The following IFT46 variants were observed in gnomAD, a reference collection of about 807,000 sequenced individuals.
IFT46 encodes intraflagellar transport protein 46 homolog.
A neutral mutation model predicts 39.6 loss-of-function variants in IFT46; 19 were observed. The observed-to-expected ratio is 0.48, with a 90% CI of 0.33 to 0.70. IFT46 has a LOEUF of 0.70. IFT46 is among the 30% of genes least tolerant of loss of function. The pLI is 0.01. For synonymous variants in IFT46, 117 were observed against 134.8 expected (o/e 0.87, Z 0.91); for missense variants, 334 against 364.8 (o/e 0.92, Z 0.69).
chr11:118,554,376 T>TA, intron 7 of IFT46, 83 bp downstream of exon 7: 1 of 1,377,200 alleles, frequency 7.3e-7, no homozygotes, highest in South Asian at 1.5e-5. Flanking sequence ...TGACAGGCAG[T>TA]AAGTCAACTG....
chr11:118,560,793 G>T (rs1938029028), intron 2 of IFT46: 1 of 726,550 alleles, frequency 1.4e-6, no homozygotes, highest in Non-Finnish European at 2.5e-6. Flanking sequence ...CCTCAGAAAT[G>T]CTTGGTGATA....
At chr11:118,568,006 A>C (rs1938265568), upstream of IFT46, among the ~76,000 whole-genome samples, 2 of 152,170 alleles carry the variant, frequency 1.3e-5, no homozygotes, top group African/African-American at 4.8e-5. Flanking sequence ...AACCATTATA[A>C]GATACTGCCA....
upstream of IFT46, among the ~76,000 whole-genome samples, chr11:118,568,538 T>A (rs534806800): frequency 1.1e-3 from 163 of 151,842 alleles, no homozygotes; most frequent in African/African-American, 3.8e-3. Context: ...GGCGACAGAG[T>A]GAGACTGTCT....
Position 118,546,142 on chromosome 11 carries a change from G to A in IFT46, c.673-289C>T, listed in dbSNP as rs75141008. The A allele has an allele frequency of 2.5e-3, 1,796 of 718,460 alleles. 21 individuals are homozygous for A. Among genetic ancestry groups the A allele is most frequent in the African/African-American group, 0.025 (1,406 of 57,352 alleles). 44.5% of individuals were successfully genotyped at this position (718,460 alleles called of 1,614,324 possible). ...AGGAAGAAGAAATCAGGACAAAGAC[G>A]CATAACAGAGGGAAGACCATGGGAA... On this transcript the variant is annotated intron_variant, in intron 9 of 11. Transcript: ENST00000264021.
exon 1 of IFT46, chr11:118,572,651 G>A: frequency 1.4e-6 from 2 of 1,468,622 alleles, no homozygotes; most frequent in East Asian, 2.5e-5. Flanking sequence ...CGCCCTGAGG[G>A]TCTAGGGCAG....
chr11:118,569,783 T>TA (rs1325961231), upstream of IFT46, among the ~76,000 whole-genome samples: 1 of 152,192 alleles, frequency 6.6e-6, no homozygotes, highest in Non-Finnish European at 1.5e-5. Context: ...TGTGTGAAGT[T>TA]AGAGTAATGG....
At chr11:118,562,785 G>A (rs1938102403) in intron 2 of IFT46, among the ~76,000 whole-genome samples, 1 of 152,210 alleles carries the variant, frequency 6.6e-6, no homozygotes, top group Non-Finnish European at 1.5e-5. Context: ...CGTGGCATAG[G>A]CTTGGTGCGG....
At chr11:118,545,531 C>T (rs1951658760) in intron 10 of IFT46, 37 bp from the exon 11 acceptor site, 1 of 1,544,738 alleles carries the variant, frequency 6.5e-7, no homozygotes. Context: ...CAGAAGCAAA[C>T]AAACTCCGGG....
chr11:118,567,936 A>C (rs1938264603), upstream of IFT46, among the ~76,000 whole-genome samples: 1 of 152,220 alleles, frequency 6.6e-6, no homozygotes, highest in Admixed American at 6.5e-5. Flanking sequence ...AGTCACTCAT[A>C]ATAAGCGCTG....
upstream of IFT46, among the ~76,000 whole-genome samples, chr11:118,569,648 T>C (rs1237393122): frequency 6.6e-6 from 1 of 152,164 alleles, no homozygotes; most frequent in East Asian, 1.9e-4. Flanking sequence ...GCTTACCTAC[T>C]TTTTAGCCAT....
chr11:118,556,735 G>A (rs1937848992), intron 4 of IFT46, among the ~76,000 whole-genome samples, 171 bp downstream of exon 4: 1 of 152,156 alleles, frequency 6.6e-6, no homozygotes, highest in African/African-American at 2.4e-5. Flanking sequence ...AGTGGAGTCA[G>A]AAAGGGAGGA....
At chr11:118,572,684 G>A (rs894695751) in exon 1 of IFT46, 4 of 1,136,550 alleles carry the variant, frequency 3.5e-6, no homozygotes, top group Non-Finnish European at 5.0e-6. Context: ...CCGGGCTCGG[G>A]GAGCAGTGTG....
At chr11:118,558,113 C>G (rs1314239487) in intron 3 of IFT46, among the ~76,000 whole-genome samples, 3 of 142,250 alleles carry the variant, frequency 2.1e-5, no homozygotes, top group African/African-American at 5.2e-5. Context: ...ATTTATTATA[C>G]ATAAAGTATA....
Position 118,556,951 on chromosome 11 carries a change from G to A in IFT46, c.140C>T (p.Ser47Phe). 1 of 1,609,374 alleles carries A rather than the reference G, an allele frequency of 6.2e-7. No homozygotes were observed. The highest frequency in any genetic ancestry group is 8.5e-7 in the Non-Finnish European group (1 of 1,177,466). ...DDDDDSSETDSDSDDDDEEHG... is the reference protein window; with the variant it reads ...DDDDDSSETDFDSDDDDEEHG... ...CTCTTCATCATCATCATCAGAATCA[G>A]AATCAGTTTCAGATGAATCATCATC... Residue 47 changes from serine (S) to phenylalanine (F), a missense_variant, in exon 4 of 12, where the codon TCT (serine) becomes TTT (phenylalanine). Physicochemically the swap from Ser to Phe is radical, Grantham distance 155. Transcript: ENST00000264021.
upstream of IFT46, among the ~76,000 whole-genome samples, chr11:118,568,042 T>A (rs546841809): frequency 1.3e-5 from 2 of 152,204 alleles, no homozygotes; most frequent in African/African-American, 4.8e-5. Flanking sequence ...AGAAGCATGC[T>A]TACAGGGTTG....
intron 7 of IFT46, 113 bp downstream of exon 7, chr11:118,554,346 G>T: frequency 1.8e-6 from 2 of 1,102,754 alleles, no homozygotes; most frequent in Non-Finnish European, 2.5e-6. Context: ...GTGAGCCACC[G>T]CACCCAGGCC....
chr11:118,572,482 T>C (rs1488373800), intron 1 of IFT46: 3 of 1,575,346 alleles, frequency 1.9e-6, no homozygotes, highest in African/African-American at 1.4e-5. Context: ...GTGCTCCCGT[T>C]CCCCAGACCC....
intron 2 of IFT46, chr11:118,560,509 T>C (rs1167857617): frequency 5.3e-6 from 1 of 187,614 alleles, no homozygotes; most frequent in Non-Finnish European, 1.1e-5. Context: ...ATATACACTC[T>C]GCCCTTAGTT....
chr11:118,563,873 TCACC>T (rs1233750463), intron 2 of IFT46, among the ~76,000 whole-genome samples: 1 of 152,108 alleles, frequency 6.6e-6, no homozygotes, highest in Admixed American at 6.6e-5. Context: ...GTCTTACATG[TCACC>T]CCTTTAGGTC....
Sources: gnomAD v4.1 joint callset for allele counts (sites outside exome capture counted in the v4.1 genomes callset) on GRCh38, gnomAD v4.1.1 for gene constraint, MANE v1.5 for transcripts, NCBI Gene and HGNC (gene_info 2026-07-23, HGNC 2026-07-21) for gene names.